GRM5: variants seen among roughly 807,000 people sequenced by gnomAD.
The protein encoded by GRM5 is glutamate metabotropic receptor 5.
GRM5 carries 19 observed loss-of-function variants against 83.1 expected under a neutral mutation model. The ratio of observed to expected loss-of-function variants is 0.23; its 90% CI spans 0.16 to 0.34. The LOEUF (loss-of-function observed/expected upper bound fraction) is 0.34, where lower values mean the gene tolerates loss of function less well. GRM5 is among the 10% of genes least tolerant of loss of function. The pLI, the probability that GRM5 is intolerant of heterozygous loss-of-function variation, is 1.00. For missense variants in GRM5, 1,160 were observed against 1,588.3 expected, an observed-to-expected ratio of 0.73 and a Z score of 4.58; for synonymous variants, 675 against 633.6, an observed-to-expected ratio of 1.07 and a Z score of -0.98.
At chr11:88,704,183 T>TCG (rs1262529305) in intron 3 of GRM5, among the ~76,000 whole-genome samples, 3 of 152,040 alleles carry the variant, frequency 2.0e-5, no homozygotes, top group Non-Finnish European at 4.4e-5. Context: ...CTAATCCTCT[T>TCG]TATCTTCCAA....
intron 3 of GRM5, among the ~76,000 whole-genome samples, chr11:88,787,110 A>T (rs954296175): frequency 6.7e-6 from 1 of 149,958 alleles, no homozygotes; most frequent in Non-Finnish European, 1.5e-5. Context: ...ATCTTTATTT[A>T]AAAATATGAT....
Position 88,822,723 on chromosome 11 carries a change from C to T in GRM5, c.911+27183G>A, listed in dbSNP as rs1340544424. On this transcript the variant is annotated intron_variant, in intron 3 of 9. Coordinates refer to ENST00000305447, the MANE Select transcript of GRM5 (RefSeq NM_001143831.3). ...TTCCCTTTAAGTCTTTATTTCTTCT[C>T]GGTGACATTGCTTGCCAAACTTTTC... is the stretch of plus-strand genomic sequence containing the variant. Among the ~76,000 whole-genome samples, 3 of 151,974 alleles carry T rather than the reference C, an allele frequency of 2.0e-5. 1 individual carries two copies. The highest frequency in any genetic ancestry group is 4.2e-4 in the South Asian group (2 of 4,812).
intron 2 of GRM5, among the ~76,000 whole-genome samples, chr11:88,937,324 T>G (rs564842610): frequency 6.6e-6 from 1 of 151,822 alleles, no homozygotes; most frequent in African/African-American, 2.4e-5. Context: ...TATGAAAAAC[T>G]TATAGTTTGA....
At chr11:88,995,351 C>T (rs915129496) in intron 2 of GRM5, among the ~76,000 whole-genome samples, 2 of 151,756 alleles carry the variant, frequency 1.3e-5, no homozygotes, top group Non-Finnish European at 2.9e-5. Flanking sequence ...TCAAGACTAT[C>T]CTGGCCAACA....
intron 2 of GRM5, among the ~76,000 whole-genome samples, chr11:88,950,378 G>GTGTA (rs1191423039): frequency 6.7e-6 from 1 of 149,696 alleles, no homozygotes; most frequent in Non-Finnish European, 1.5e-5. Flanking sequence ...GTGTGTGTGT[G>GTGTA]TGTAACATAT....
At chr11:88,626,734 T>C (rs1240636682) in intron 4 of GRM5, among the ~76,000 whole-genome samples, 1 of 152,176 alleles carries the variant, frequency 6.6e-6, no homozygotes, top group Non-Finnish European at 1.5e-5. Flanking sequence ...TAATTAGGTT[T>C]AGATGAGCTA....
intron 2 of GRM5, among the ~76,000 whole-genome samples, chr11:88,971,941 C>T (rs1320435955): frequency 6.6e-6 from 1 of 152,164 alleles, no homozygotes; most frequent in East Asian, 1.9e-4. Flanking sequence ...ACTCTAGGGG[C>T]ATGTGCAAAA....
rs575682113 is a variant in GRM5 at position 88,725,285 on chromosome 11, A to T, written c.912-71882T>A. Among the ~76,000 whole-genome samples, 6 of 152,314 alleles carry T rather than the reference A, an allele frequency of 3.9e-5. No individual in the cohort carries two copies. In the South Asian group the frequency reaches 1.2e-3, roughly 32 times the overall value. Reference sequence around the variant, plus strand: ...AGCCACCAGGAAGTTTGAACTGGGCAGAGCCCACCACAGCTCAGCAAAGCT... The same window carrying T: ...AGCCACCAGGAAGTTTGAACTGGGCTGAGCCCACCACAGCTCAGCAAAGCT... On this transcript the variant is annotated intron_variant, in intron 3 of 9. Coordinates refer to ENST00000305447, the MANE Select transcript of GRM5 (RefSeq NM_001143831.3).
intron 9 of GRM5, among the ~76,000 whole-genome samples, chr11:88,522,418 G>C (rs1223236741): frequency 6.6e-6 from 1 of 152,100 alleles, no homozygotes; most frequent in Admixed American, 6.5e-5. Flanking sequence ...GGATAAATAT[G>C]TGTGTGCAGG....
Position 88,867,935 on chromosome 11 carries a change from A to G in GRM5, c.662-17780T>C, listed in dbSNP as rs1453902814. 3.9e-5 allele frequency among the ~76,000 whole-genome samples: 6 copies of G among 152,090 alleles called. No individual in the cohort carries two copies. The East Asian group carries it at 1.2e-3, about 29-fold the overall frequency. On this transcript the variant is annotated intron_variant, in intron 2 of 9. Coordinates refer to ENST00000305447, the MANE Select transcript of GRM5 (RefSeq NM_001143831.3). ...CTGCAGCTGACCAAAACTTTCAGTC[A>G]CAAAAAGTACCCAAATCCTTAGGCT... is the stretch of plus-strand genomic sequence containing the variant.
chr11:88,651,959 T>G (rs1168964949), intron 4 of GRM5, among the ~76,000 whole-genome samples: 1 of 152,050 alleles, frequency 6.6e-6, no homozygotes, highest in Non-Finnish European at 1.5e-5. Context: ...GAAATCTTTA[T>G]GAATAGCTCA....
chr11:88,951,395 C>T (rs993015176), intron 2 of GRM5, among the ~76,000 whole-genome samples: 10 of 152,138 alleles, frequency 6.6e-5, no homozygotes, highest in East Asian at 1.9e-4. Context: ...TTTCGCATAC[C>T]GGGAAGCTCT....
chr11:88,587,534 G>A (rs1448509030), intron 7 of GRM5, among the ~76,000 whole-genome samples: 1 of 152,152 alleles, frequency 6.6e-6, no homozygotes, highest in Non-Finnish European at 1.5e-5. Context: ...TATAAAACCA[G>A]TGGTAAGTTT....
At chr11:88,678,829 T>C (rs1250251988) in intron 3 of GRM5, among the ~76,000 whole-genome samples, 1 of 152,040 alleles carries the variant, frequency 6.6e-6, no homozygotes, top group African/African-American at 2.4e-5. Context: ...TATGCCAGTA[T>C]TTATTAGCCA....
intron 3 of GRM5, among the ~76,000 whole-genome samples, chr11:88,696,582 A>C (rs1318763791): frequency 6.6e-6 from 1 of 152,172 alleles, no homozygotes; most frequent in Non-Finnish European, 1.5e-5. Flanking sequence ...GTAAGATAAT[A>C]ATTGGGATTT....
At chr11:88,779,602 G>T in intron 3 of GRM5, among the ~76,000 whole-genome samples, 1 of 152,024 alleles carries the variant, frequency 6.6e-6, no homozygotes, top group East Asian at 1.9e-4. Context: ...CAGAATTAAA[G>T]AAATTAATAT....
intron 2 of GRM5, among the ~76,000 whole-genome samples, chr11:88,868,382 T>C (rs1565268791): frequency 6.6e-6 from 1 of 151,838 alleles, no homozygotes; most frequent in Non-Finnish European, 1.5e-5. Context: ...TTTTTTCTCA[T>C]CTATAACATT....
chr11:88,888,776 T>A (rs1293283636), intron 2 of GRM5, among the ~76,000 whole-genome samples: 1 of 152,194 alleles, frequency 6.6e-6, no homozygotes. Context: ...CAATCTGGTG[T>A]GCTTTGTGTG....
At chr11:88,781,528 T>G (rs16914829) in intron 3 of GRM5, among the ~76,000 whole-genome samples, 17,214 of 152,234 alleles carry the variant, frequency 0.11, 2,143 homozygotes, top group African/African-American at 0.31. Context: ...TGCAGTACTT[T>G]GCTCAGAATT....
Sources: allele counts gnomAD v4.1 joint callset (sites outside exome capture counted in the v4.1 genomes callset), GRCh38; gene constraint gnomAD v4.1.1; transcripts MANE v1.5; gene names NCBI Gene and HGNC (gene_info 2026-07-23, HGNC 2026-07-21).